The following HEXB variants were observed in gnomAD, a reference collection of about 807,000 sequenced individuals.
The protein encoded by HEXB is beta-hexosaminidase subunit beta.
A neutral mutation model predicts 71.2 loss-of-function variants in HEXB; 51 were observed. The ratio of observed to expected loss-of-function variants is 0.72; its 90% CI spans 0.57 to 0.90. The LOEUF is 0.90. Ranked by LOEUF, HEXB falls within the 40% of genes least tolerant of loss-of-function variation. The pLI is 0.00. For missense variants in HEXB, 617 were observed against 677.0 expected (o/e 0.91, Z 0.98); for synonymous variants, 266 against 249.3 (o/e 1.07, Z -0.63).
At chr5:74,716,016 CAAAAA>C (rs71600435) in intron 8 of HEXB, among the ~76,000 whole-genome samples, 9 of 64,854 alleles carry the variant, frequency 1.4e-4, no homozygotes, top group African/African-American at 4.0e-4. Flanking sequence ...GACTCCATCT[CAAAAA>C]AAAAAAAAAA....
intron 1 of HEXB, among the ~76,000 whole-genome samples, chr5:74,671,898 T>C (rs1336052440): frequency 1.3e-5 from 2 of 152,156 alleles, no homozygotes; most frequent in African/African-American, 2.4e-5. Flanking sequence ...ATGGGAGGAC[T>C]CCTTGGTGAA....
At chr5:74,673,738 C>G (rs965137530) in intron 1 of HEXB, among the ~76,000 whole-genome samples, 1 of 152,080 alleles carries the variant, frequency 6.6e-6, no homozygotes, top group Non-Finnish European at 1.5e-5. Context: ...TAGACTGGAG[C>G]TGAAATGGTG....
At chr5:74,710,510 AG>A in intron 6 of HEXB, among the ~76,000 whole-genome samples, 1 of 152,264 alleles carries the variant, frequency 6.6e-6, no homozygotes, top group African/African-American at 2.4e-5. Flanking sequence ...CCCTGTTTGC[AG>A]ATGACATGAT....
chr5:74,680,090 G>T (rs1748711694), intron 1 of HEXB, among the ~76,000 whole-genome samples: 1 of 152,140 alleles, frequency 6.6e-6, no homozygotes, highest in Admixed American at 6.5e-5. Flanking sequence ...GATTAACAAG[G>T]AACCAACACA....
intron 7 of HEXB, among the ~76,000 whole-genome samples, 177 bp from the exon 8 acceptor site, chr5:74,715,333 C>T (rs767465131): frequency 5.9e-5 from 9 of 152,136 alleles, no homozygotes; most frequent in Non-Finnish European, 1.2e-4. Flanking sequence ...GGCAAAGAGA[C>T]AGGATTCAGG....
At chr5:74,673,466 C>G (rs1748576945) in intron 1 of HEXB, among the ~76,000 whole-genome samples, 1 of 152,192 alleles carries the variant, frequency 6.6e-6, no homozygotes, top group African/African-American at 2.4e-5. Context: ...CTGCCCAGGT[C>G]CTAGGCTGTC....
In HEXB at chr5:74,713,509, A is replaced by C; in HGVS notation, c.775A>C (p.Ser259Arg). The change falls in exon 7 of 14, where the codon AGC (serine) becomes CGC (arginine). Residue 259 changes from serine (S) to arginine (R), a missense_variant. By Grantham distance (110) the Ser-to-Arg change is moderately radical. Transcript: ENST00000261416. ...ITFPELSNKG[S>R]YSLSHVYTPN... ...TGAATAAATATGGCTTTTACAGGGA[A>C]GCTATTCTTTGTCTCATGTTTATAC... The C allele has an allele frequency of 6.2e-7, 1 of 1,610,864 alleles. No homozygotes were observed. Among genetic ancestry groups the C allele is most frequent in the Non-Finnish European group, 8.5e-7 (1 of 1,177,042 alleles).
chr5:74,657,071 C>T (rs1211814478), intron 1 of HEXB, among the ~76,000 whole-genome samples: 1 of 152,176 alleles, frequency 6.6e-6, no homozygotes, highest in African/African-American at 2.4e-5. Context: ...GGCTCTTCCA[C>T]AGTCACCCCT....
rs1037662187 is a variant in HEXB, at chr5:74,652,544, A to G, written c.-377+11986A>G. On this transcript the variant is annotated intron_variant, in intron 1 of 13. Coordinates refer to the HEXB transcript ENST00000511181. The surrounding 1 kb of genome is among the most constrained non-coding windows in gnomAD (Gnocchi z 5.4). ...TGGGTATAGTTAGGACAAACAGACC[A>G]TAAGAAAATGTAACTTAATTTTTCT... Among the ~76,000 whole-genome samples the G allele has an allele frequency of 1.3e-5, 2 of 152,240 alleles. No individual in the cohort carries two copies. Among genetic ancestry groups the G allele is most frequent in the Admixed American group, 6.5e-5 (1 of 15,290 alleles).
chr5:74,688,746 A>T (rs1214770447), intron 1 of HEXB, among the ~76,000 whole-genome samples: 1 of 152,164 alleles, frequency 6.6e-6, no homozygotes, highest in African/African-American at 2.4e-5. Context: ...AGGAACTCTG[A>T]CTCAATCTGG....
intron 1 of HEXB, among the ~76,000 whole-genome samples, chr5:74,663,448 C>A (rs1252040968): frequency 6.6e-6 from 1 of 152,162 alleles, no homozygotes. Context: ...GCCTCGGCCT[C>A]CCAAAGTGTT....
chr5:74,679,798 CAAAAAAAAA>C (rs70976121), intron 1 of HEXB, among the ~76,000 whole-genome samples: 14 of 38,890 alleles, frequency 3.6e-4, no homozygotes, highest in South Asian at 1.7e-3. Context: ...GACTCCGTCT[CAAAAAAAAA>C]AAAAAAAAAA....
chr5:74,700,001 C>CTTTTTTTTTTTTTTTT (rs58177670), intron 5 of HEXB, among the ~76,000 whole-genome samples: 1 of 40,336 alleles, frequency 2.5e-5, no homozygotes, highest in East Asian at 7.5e-4. Flanking sequence ...TGTAAGTTTC[C>CTTTTTTTTTTTTTTTT]TTTTTTTTTT....
intron 6 of HEXB, among the ~76,000 whole-genome samples, chr5:74,706,766 GC>G: frequency 6.6e-6 from 1 of 152,256 alleles, no homozygotes; most frequent in African/African-American, 2.4e-5. Context: ...CATTGCCCAG[GC>G]TTGCTTAGGT....
At chr5:74,681,679 G>GA (rs1561212099), upstream of HEXB, among the ~76,000 whole-genome samples, 1 of 152,166 alleles carries the variant, frequency 6.6e-6, no homozygotes. Flanking sequence ...AGTTTCACAA[G>GA]ATCTCAGGGC....
upstream of HEXB, among the ~76,000 whole-genome samples, chr5:74,683,296 TTTC>T (rs955353496): frequency 5.3e-5 from 8 of 151,980 alleles, no homozygotes; most frequent in African/African-American, 1.9e-4. Context: ...GGGGCTCTAG[TTTC>T]TTCTTTTTTT....
chr5:74,720,873 TG>T, intron 13 of HEXB, 126 bp downstream of exon 13: 1 of 864,424 alleles, frequency 1.2e-6, no homozygotes, highest in Non-Finnish European at 1.9e-6. Context: ...ATTATTTTTT[TG>T]TAAGTAATAA....
chr5:74,713,732 C>T, intron 7 of HEXB, 97 bp downstream of exon 7: 9 of 963,108 alleles, frequency 9.3e-6, no homozygotes, highest in East Asian at 2.6e-5. Flanking sequence ...AGTACAATCT[C>T]GGCTCACTGC....
chr5:74,642,359 G>T (rs766867175), intron 1 of HEXB, among the ~76,000 whole-genome samples: 4 of 152,252 alleles, frequency 2.6e-5, no homozygotes, highest in Admixed American at 2.6e-4. Context: ...AGCCAGGGGG[G>T]CTGCGAGGTT....
Sources: allele counts gnomAD v4.1 joint callset (sites outside exome capture counted in the v4.1 genomes callset), GRCh38; gene constraint gnomAD v4.1.1; non-coding constraint Gnocchi (gnomAD v3.1); transcripts MANE v1.5; gene names NCBI Gene and HGNC (gene_info 2026-07-23, HGNC 2026-07-21).